TMTC2: variants seen among roughly 807,000 people sequenced by gnomAD.
TMTC2 encodes the protein protein O-mannosyl-transferase TMTC2.
In TMTC2, 43 loss-of-function variants were observed where a neutral mutation model predicts 82.4. The ratio of observed to expected loss-of-function variants is 0.52; its 90% CI spans 0.41 to 0.67. The LOEUF is 0.67. Among genes scored for constraint, TMTC2 ranks in the 30% least tolerant of loss-of-function variants. The probability of loss-of-function intolerance (pLI) is 0.00; values close to 1 mark genes in which losing one functional copy is unlikely to be tolerated. For synonymous variants in TMTC2, 408 were observed against 381.9 expected (o/e 1.07, Z -0.80); for missense variants, 919 against 1,012.4 (o/e 0.91, Z 1.25).
At chr12:82,730,585 T>A (rs940104933) in intron 1 of TMTC2, among the ~76,000 whole-genome samples, 1 of 152,186 alleles carries the variant, frequency 6.6e-6, no homozygotes, top group Non-Finnish European at 1.5e-5. Context: ...ATGCAGAGAT[T>A]AGCACTTTTA....
intron 9 of TMTC2, among the ~76,000 whole-genome samples, chr12:83,047,773 G>C (rs1351245750): frequency 1.3e-5 from 2 of 152,136 alleles, no homozygotes; most frequent in African/African-American, 4.8e-5. Context: ...CAAAGCACAT[G>C]TTGCATGGCA....
chr12:82,933,476 T>C (rs1876152188), intron 4 of TMTC2, among the ~76,000 whole-genome samples: 1 of 152,198 alleles, frequency 6.6e-6, no homozygotes, highest in Non-Finnish European at 1.5e-5. Context: ...TGCTCTGGTG[T>C]ACAGAAGTTA....
chr12:82,913,324 A>G (rs1290935669), intron 3 of TMTC2, among the ~76,000 whole-genome samples: 1 of 152,204 alleles, frequency 6.6e-6, no homozygotes, highest in African/African-American at 2.4e-5. Context: ...GCAGAGGACC[A>G]TCATACTTTG....
intron 1 of TMTC2, among the ~76,000 whole-genome samples, chr12:82,707,972 T>C (rs1873444756): frequency 6.6e-6 from 1 of 152,196 alleles, no homozygotes; most frequent in African/African-American, 2.4e-5. Flanking sequence ...TAGATATGCG[T>C]GCACAAGCAT....
At chr12:82,918,440 A>T (rs1455593341) in intron 3 of TMTC2, among the ~76,000 whole-genome samples, 1 of 152,294 alleles carries the variant, frequency 6.6e-6, no homozygotes, top group Admixed American at 6.5e-5. Flanking sequence ...AAGTACTTCA[A>T]TTTTGGCAGA....
intron 11 of TMTC2, among the ~76,000 whole-genome samples, chr12:83,109,198 T>C (rs536435676): frequency 2.0e-5 from 3 of 152,218 alleles, no homozygotes; most frequent in Non-Finnish European, 4.4e-5. Context: ...GGAAGCATGT[T>C]GGCATCTGCT....
chr12:82,838,989 TAA>T (rs1870196792), intron 1 of TMTC2, among the ~76,000 whole-genome samples: 1 of 152,122 alleles, frequency 6.6e-6, no homozygotes, highest in African/African-American at 2.4e-5. Context: ...GCCTGGGCAT[TAA>T]AAATTAAAGA....
intron 11 of TMTC2, among the ~76,000 whole-genome samples, chr12:83,062,427 C>A (rs887714703): frequency 2.6e-5 from 4 of 151,744 alleles, no homozygotes; most frequent in Admixed American, 2.6e-4. Context: ...CCTCGGTCTT[C>A]TAAGCATGTT....
intron 11 of TMTC2, among the ~76,000 whole-genome samples, chr12:83,094,441 C>G (rs1410318026): frequency 6.6e-6 from 1 of 152,186 alleles, no homozygotes; most frequent in African/African-American, 2.4e-5. Context: ...AGAGGCTAAA[C>G]CATGCAAATC....
chr12:82,991,893 A>C (rs1280449239), intron 8 of TMTC2, among the ~76,000 whole-genome samples: 1 of 152,110 alleles, frequency 6.6e-6, no homozygotes, highest in African/African-American at 2.4e-5. Context: ...CTTTTTATTT[A>C]AGCCAAATAT....
At chr12:83,063,906 A>T (rs571177310) in intron 11 of TMTC2, among the ~76,000 whole-genome samples, 2 of 151,974 alleles carry the variant, frequency 1.3e-5, no homozygotes, top group African/African-American at 4.8e-5. Flanking sequence ...ACGGGGTGGC[A>T]TGCACTAGGC....
At chr12:82,807,586 C>T (rs1346990624) in intron 1 of TMTC2, among the ~76,000 whole-genome samples, 1 of 152,050 alleles carries the variant, frequency 6.6e-6, no homozygotes, top group Admixed American at 6.6e-5. Flanking sequence ...GAAATAAGGT[C>T]CCATAAATCT....
intron 1 of TMTC2, among the ~76,000 whole-genome samples, chr12:82,819,330 C>A (rs1868939556): frequency 6.6e-6 from 1 of 151,924 alleles, no homozygotes; most frequent in Admixed American, 6.6e-5. Flanking sequence ...TTAATCAGAT[C>A]AAACATTTCT....
chr12:82,696,301 A>T (rs1363357738), intron 1 of TMTC2, among the ~76,000 whole-genome samples: 1 of 152,250 alleles, frequency 6.6e-6, no homozygotes, highest in Non-Finnish European at 1.5e-5. Context: ...ACTTCATTTA[A>T]AATAGGAAGG....
At chr12:83,021,340 C>T (rs1036761470) in intron 8 of TMTC2, among the ~76,000 whole-genome samples, 2 of 152,158 alleles carry the variant, frequency 1.3e-5, no homozygotes, top group African/African-American at 4.8e-5. Context: ...CACTCCACTA[C>T]ATAGGCACCT....
intron 1 of TMTC2, among the ~76,000 whole-genome samples, chr12:82,784,324 T>G (rs868205736): frequency 6.6e-6 from 1 of 152,112 alleles, no homozygotes; most frequent in African/African-American, 2.4e-5. Context: ...GCTAGGGGAC[T>G]ATATCTTAGA....
intron 8 of TMTC2, among the ~76,000 whole-genome samples, chr12:83,018,196 T>C (rs958007806): frequency 6.6e-6 from 1 of 152,128 alleles, no homozygotes; most frequent in Non-Finnish European, 1.5e-5. Context: ...CTACCTTTTA[T>C]GGTGTCAAGG....
chr12:83,044,702 A>G (rs1882025352), intron 9 of TMTC2, among the ~76,000 whole-genome samples: 1 of 152,200 alleles, frequency 6.6e-6, no homozygotes, highest in Non-Finnish European at 1.5e-5. Context: ...GCTGTTTTCT[A>G]GTTGTTTTAT....
intron 1 of TMTC2, among the ~76,000 whole-genome samples, chr12:82,797,293 A>G (rs758841314): frequency 5.3e-5 from 8 of 152,150 alleles, no homozygotes; most frequent in Non-Finnish European, 8.8e-5. Flanking sequence ...TTACAATTTT[A>G]ATAAAACGTG....
Sources: gnomAD v4.1 joint callset for allele counts (sites outside exome capture counted in the v4.1 genomes callset) on GRCh38, gnomAD v4.1.1 for gene constraint, MANE v1.5 for transcripts, NCBI Gene and HGNC (gene_info 2026-07-23, HGNC 2026-07-21) for gene names.